HECTD4: variants seen among roughly 807,000 people sequenced by gnomAD.
The protein encoded by HECTD4 is probable E3 ubiquitin-protein ligase HECTD4.
A neutral mutation model predicts 471.5 loss-of-function variants in HECTD4; 114 were observed. The ratio of observed to expected loss-of-function variants is 0.24; its 90% confidence interval spans 0.21 to 0.28. HECTD4 has a LOEUF of 0.28. Among genes scored for constraint, HECTD4 ranks in the 10% least tolerant of loss-of-function variants. The pLI, the probability that HECTD4 is intolerant of heterozygous loss-of-function variation, is 1.00. For missense variants in HECTD4, 3,866 were observed against 5,651.5 expected (o/e 0.68, Z 10.13); for synonymous variants, 2,012 against 2,256.0 (o/e 0.89, Z 3.07).
At chr12:112,278,109 A>G (rs1047499223) in intron 9 of HECTD4, among the ~76,000 whole-genome samples, 2 of 152,222 alleles carry the variant, frequency 1.3e-5, no homozygotes, top group African/African-American at 4.8e-5. Flanking sequence ...CAGTCATAAA[A>G]GGCCATATGT....
chr12:112,242,728 T>TG (rs747422719), intron 32 of HECTD4, among the ~76,000 whole-genome samples: 33 of 151,460 alleles, frequency 2.2e-4, no homozygotes, highest in Non-Finnish European at 4.9e-4. Flanking sequence ...CTGGCCAACA[T>TG]GGTGAAACCC....
intron 7 of HECTD4, among the ~76,000 whole-genome samples, chr12:112,301,525 C>T (rs1209060207): frequency 6.6e-6 from 1 of 152,230 alleles, no homozygotes; most frequent in Non-Finnish European, 1.5e-5. Context: ...TCTTTATTTT[C>T]TGTTCTCTTT....
chr12:112,359,137 T>C (rs796614342), intron 1 of HECTD4, among the ~76,000 whole-genome samples: 9 of 150,928 alleles, frequency 6.0e-5, no homozygotes, highest in African/African-American at 2.2e-4. Flanking sequence ...GATGGGCCAC[T>C]GCACTCCTGC....
At chr12:112,308,334 T>C (rs2035305582) in intron 6 of HECTD4, among the ~76,000 whole-genome samples, 2 of 151,844 alleles carry the variant, frequency 1.3e-5, no homozygotes, top group Non-Finnish European at 2.9e-5. Flanking sequence ...ATGATTTTAC[T>C]CTACACTCAT....
intron 9 of HECTD4, among the ~76,000 whole-genome samples, chr12:112,276,755 T>A (rs1742756807): frequency 6.6e-6 from 1 of 152,154 alleles, no homozygotes; most frequent in Admixed American, 6.6e-5. Flanking sequence ...AAAAACCCAA[T>A]CTTTAAATGG....
intron 62 of HECTD4, among the ~76,000 whole-genome samples, chr12:112,182,773 C>CCTGACAG (rs2031724072): frequency 6.6e-6 from 1 of 152,234 alleles, no homozygotes; most frequent in African/African-American, 2.4e-5. Flanking sequence ...CCTTCAGCGC[C>CCTGACAG]CTGACAGCTG....
At chr12:112,182,695 G>A (rs918038845) in intron 62 of HECTD4, among the ~76,000 whole-genome samples, 1 of 152,248 alleles carries the variant, frequency 6.6e-6, no homozygotes, top group African/African-American at 2.4e-5. Flanking sequence ...TGCAGGCGGC[G>A]CAAAGCCACC....
intron 70 of HECTD4, among the ~76,000 whole-genome samples, 164 bp from the exon 71 acceptor site, chr12:112,168,081 C>T (rs1416996088): frequency 6.6e-6 from 1 of 152,224 alleles, no homozygotes; most frequent in Non-Finnish European, 1.5e-5. Context: ...GCCTCAGGTC[C>T]AATCCTGCTC....
At chr12:112,324,260 G>A (rs1658713130) in intron 1 of HECTD4, among the ~76,000 whole-genome samples, 1 of 150,136 alleles carries the variant, frequency 6.7e-6, no homozygotes, top group Non-Finnish European at 1.5e-5. Context: ...GCTGGGACTA[G>A]AGGCATGTGC....
At chr12:112,274,983 G>A (rs2034497172) in intron 9 of HECTD4, 23 bp from the exon 10 acceptor site, 1 of 1,317,680 alleles carries the variant, frequency 7.6e-7, no homozygotes, top group African/African-American at 1.5e-5. Context: ...ACATTAAGCT[G>A]TTTAATGAGC....
intron 17 of HECTD4, 108 bp from the exon 18 acceptor site, chr12:112,261,537 G>A: frequency 1.7e-6 from 2 of 1,145,636 alleles, no homozygotes; most frequent in Non-Finnish European, 2.5e-6. Flanking sequence ...ATGAAATAAT[G>A]AGGTGGACAG....
chr12:112,238,783 A>G (rs2033574802), intron 34 of HECTD4, among the ~76,000 whole-genome samples: 1 of 152,194 alleles, frequency 6.6e-6, no homozygotes, highest in African/African-American at 2.4e-5. Flanking sequence ...AGTATTGACA[A>G]GGAGAGAATA....
intron 1 of HECTD4, among the ~76,000 whole-genome samples, chr12:112,366,511 C>T (rs551291731): frequency 2.2e-4 from 34 of 151,770 alleles, no homozygotes; most frequent in African/African-American, 7.3e-4. Flanking sequence ...AAAGTGAGAC[C>T]GTGTCTCTTA....
At chr12:112,273,183 A>G (rs1204436154) in intron 11 of HECTD4, among the ~76,000 whole-genome samples, 2 of 152,136 alleles carry the variant, frequency 1.3e-5, no homozygotes, top group African/African-American at 2.4e-5. Flanking sequence ...ATTCCTCCAT[A>G]TTAGCATAGT....
intron 1 of HECTD4, among the ~76,000 whole-genome samples, chr12:112,369,499 G>A (rs759948194): frequency 1.3e-5 from 2 of 151,660 alleles, no homozygotes; most frequent in Non-Finnish European, 2.9e-5. Context: ...CCACCACCAC[G>A]CCCAGCTAAT....
chr12:112,360,228 A>G (rs986754650), intron 1 of HECTD4, among the ~76,000 whole-genome samples: 2 of 152,172 alleles, frequency 1.3e-5, no homozygotes, highest in African/African-American at 4.8e-5. Context: ...CTGGGGCAGG[A>G]GGATCGCTTG....
chr12:112,247,836 T>A (rs764206215), intron 27 of HECTD4, among the ~76,000 whole-genome samples: 1 of 152,160 alleles, frequency 6.6e-6, no homozygotes. Flanking sequence ...TTTATAAAAC[T>A]ATTAATCAGT....
chr12:112,328,364 T>C (rs1195525292), intron 1 of HECTD4, among the ~76,000 whole-genome samples: 1 of 152,070 alleles, frequency 6.6e-6, no homozygotes, highest in African/African-American at 2.4e-5. Flanking sequence ...CTCAAACTCC[T>C]GGGGTTCAAG....
chr12:112,165,796 G>A (rs903311168), intron 72 of HECTD4, among the ~76,000 whole-genome samples: 8 of 152,234 alleles, frequency 5.3e-5, no homozygotes, highest in East Asian at 3.8e-4. Context: ...CAGGATCAGC[G>A]TCCAGGGGAA....
Sources: gnomAD v4.1 joint callset for allele counts (sites outside exome capture counted in the v4.1 genomes callset) on GRCh38, gnomAD v4.1.1 for gene constraint, MANE v1.5 for transcripts, NCBI Gene and HGNC (gene_info 2026-07-23, HGNC 2026-07-21) for gene names.